KIAA0586: variants seen among roughly 807,000 people sequenced by gnomAD.
KIAA0586 encodes the protein protein TALPID3.
KIAA0586 carries 144 observed loss-of-function variants against 169.8 expected under a neutral mutation model. The observed-to-expected ratio is 0.85, with a 90% confidence interval of 0.74 to 0.97. The LOEUF (loss-of-function observed/expected upper bound fraction) is 0.97, where lower values mean the gene tolerates loss of function less well. Among genes scored for constraint, KIAA0586 ranks in the 50% least tolerant of loss-of-function variants. KIAA0586 has a pLI of 0.00. For synonymous variants in KIAA0586, 625 were observed against 612.4 expected, an observed-to-expected ratio of 1.02 and a Z score of -0.30; for missense variants, 1,854 against 1,823.0, an observed-to-expected ratio of 1.02 and a Z score of -0.31.
In KIAA0586 at chr14:58,442,839, G is replaced by T. The variant is rs1225249417; in HGVS notation, c.544G>T (p.Ala182Ser). Reference sequence around the variant, plus strand: ...TGATTCAGCTACAACCGTGGCTGCAGCAACTGCTGCTGCCATTGCAACCGC... The same window carrying T: ...TGATTCAGCTACAACCGTGGCTGCATCAACTGCTGCTGCCATTGCAACCGC... ...GIDSATTVAA[A>S]TAAAIATAAP... Residue 182 changes from alanine to serine, a missense_variant, in exon 5 of 31, where the codon GCA becomes TCA. Coordinates refer to ENST00000652326, the MANE Select transcript of KIAA0586 (RefSeq NM_001329943.3). 6.2e-7 allele frequency: 1 copy of T among 1,610,052 alleles called. No homozygotes were observed. The highest frequency in any genetic ancestry group is 8.5e-7 in the Non-Finnish European group (1 of 1,178,462).
intron 21 of KIAA0586, among the ~76,000 whole-genome samples, chr14:58,483,308 G>T (rs748348636): frequency 2.0e-5 from 3 of 152,062 alleles, no homozygotes; most frequent in South Asian, 4.1e-4. Flanking sequence ...CATATTTATT[G>T]ATTGATAATA....
chr14:58,496,191 T>C (rs2043147115), intron 26 of KIAA0586, among the ~76,000 whole-genome samples: 1 of 152,216 alleles, frequency 6.6e-6, no homozygotes, highest in African/African-American at 2.4e-5. Context: ...TATATGTAGA[T>C]GGGCTAGGTA....
chr14:58,512,821 C>G (rs941400246), intron 29 of KIAA0586, among the ~76,000 whole-genome samples, 194 bp downstream of exon 29: 11 of 152,148 alleles, frequency 7.2e-5, no homozygotes, highest in African/African-American at 2.2e-4. Context: ...TACCAGTAAA[C>G]ACTATTTCTA....
intron 29 of KIAA0586, among the ~76,000 whole-genome samples, chr14:58,513,075 C>T (rs1271802567): frequency 6.6e-6 from 1 of 151,978 alleles, no homozygotes; most frequent in Non-Finnish European, 1.5e-5. Context: ...ATATGGATGA[C>T]CATATCATAG....
chr14:58,507,299 A>G (rs1043699727), intron 27 of KIAA0586, among the ~76,000 whole-genome samples: 1 of 146,990 alleles, frequency 6.8e-6, no homozygotes, highest in African/African-American at 2.5e-5. Flanking sequence ...TATCATGTGT[A>G]TGATTTATAT....
chr14:58,560,898 T>G, the KIAA0586 span, among the ~76,000 whole-genome samples: 28 of 152,296 alleles, frequency 1.8e-4, no homozygotes, highest in African/African-American at 6.7e-4. Flanking sequence ...AACAAAGCTC[T>G]TGCTTGTAAG....
At position 58,502,197 on chromosome 14, in the gene KIAA0586, G is replaced by A. The variant is rs1248224271; in HGVS notation, c.4168+3237G>A. Among the ~76,000 whole-genome samples the A allele has an allele frequency of 2.6e-5, 4 of 152,010 alleles. 1 individual carries two copies. The South Asian group carries it at 8.3e-4, about 32-fold the overall frequency. On this transcript the variant is annotated intron_variant, in intron 27 of 30. Transcript: ENST00000652326. ...GTTGCCCAGGCTGGAGTGCAGTGGT[G>A]CGATCTCAGCTCACTGCAACCTCTG...
intron 14 of KIAA0586, among the ~76,000 whole-genome samples, chr14:58,465,157 G>T (rs1407078511): frequency 6.6e-6 from 1 of 152,024 alleles, no homozygotes; most frequent in Non-Finnish European, 1.5e-5. Context: ...GTTGATCCTG[G>T]GTAATTGAGA....
At chr14:58,533,526 C>G (rs543561061) in intron 29 of KIAA0586, among the ~76,000 whole-genome samples, 2 of 152,096 alleles carry the variant, frequency 1.3e-5, no homozygotes, top group Non-Finnish European at 2.9e-5. Context: ...GGGGCAGGGG[C>G]CTGACTTTGT....
chr14:58,510,661 G>A (rs761110267), intron 28 of KIAA0586, among the ~76,000 whole-genome samples: 19 of 152,102 alleles, frequency 1.2e-4, no homozygotes, highest in Non-Finnish European at 2.5e-4. Flanking sequence ...TTTACACAAA[G>A]ACATGTACGT....
chr14:58,537,188 A>T (rs771541081), intron 29 of KIAA0586: 26 of 1,053,192 alleles, frequency 2.5e-5, no homozygotes, highest in Non-Finnish European at 2.6e-5. Flanking sequence ...CTTACTTGTT[A>T]TAAGAATAAA....
chr14:58,436,708 C>T (rs964743232), intron 4 of KIAA0586, among the ~76,000 whole-genome samples: 1 of 151,952 alleles, frequency 6.6e-6, no homozygotes, highest in Non-Finnish European at 1.5e-5. Flanking sequence ...TACATACACA[C>T]AGAATTAAGG....
chr14:58,454,822 C>T (rs776079762), intron 9 of KIAA0586, among the ~76,000 whole-genome samples: 1 of 152,156 alleles, frequency 6.6e-6, no homozygotes, highest in Non-Finnish European at 1.5e-5. Context: ...CACACACACC[C>T]CTGGTGTCCC....
chr14:58,487,380 G>A (rs1368370076), intron 22 of KIAA0586, among the ~76,000 whole-genome samples: 10 of 152,086 alleles, frequency 6.6e-5, no homozygotes, highest in Non-Finnish European at 1.3e-4. Context: ...AGGCTGAGGC[G>A]GGTGAATCAC....
chr14:58,555,917 C>G (rs961681642), downstream of KIAA0586, among the ~76,000 whole-genome samples: 6 of 151,404 alleles, frequency 4.0e-5, no homozygotes, highest in Non-Finnish European at 8.9e-5. Context: ...ATAAAAGCTA[C>G]TTGTTTAGCA....
chr14:58,428,581 A>T (rs956089394), intron 1 of KIAA0586, 118 bp downstream of exon 1: 1 of 727,586 alleles, frequency 1.4e-6, no homozygotes, highest in South Asian at 2.1e-5. Context: ...TTGAAAACTG[A>T]CCCTGTTTCC....
At position 58,428,666 on chromosome 14, in the gene KIAA0586, C is replaced by CTT. The variant is rs33975443; in HGVS notation, c.199+219_199+220dup. Among the ~76,000 whole-genome samples, 194 of 74,122 alleles carry CTT rather than the reference C, an allele frequency of 2.6e-3. 4 individuals are homozygous for CTT. The highest frequency in any genetic ancestry group is 7.6e-3 in the African/African-American group (159 of 20,794). 48.6% of individuals were successfully genotyped at this position (74,122 alleles called of 152,430 possible). On this transcript the variant is annotated intron_variant, in intron 1 of 30. Coordinates refer to ENST00000652326, the MANE Select transcript of KIAA0586 (RefSeq NM_001329943.3). ...TGAAACTTTAACGTCCCCTGTTGTG[C>CTT]TTTTTTTTTTTTTTTTTGCATTGAC... is the stretch of plus-strand genomic sequence containing the variant.
At chr14:58,481,288 G>A (rs1007094454) in intron 20 of KIAA0586, among the ~76,000 whole-genome samples, 1 of 152,134 alleles carries the variant, frequency 6.6e-6, no homozygotes, top group Admixed American at 6.5e-5. Flanking sequence ...CTTATTTTCC[G>A]CATGGAGCTT....
At chr14:58,553,844 A>G (rs941247295), downstream of KIAA0586, among the ~76,000 whole-genome samples, 1 of 152,066 alleles carries the variant, frequency 6.6e-6, no homozygotes, top group African/African-American at 2.4e-5. Context: ...AGGACAAACC[A>G]CCCCAAACTA....
Sources: gnomAD v4.1 joint callset for allele counts (sites outside exome capture counted in the v4.1 genomes callset) on GRCh38, gnomAD v4.1.1 for gene constraint, MANE v1.5 for transcripts, NCBI Gene and HGNC (gene_info 2026-07-23, HGNC 2026-07-21) for gene names.